NELL2: variants seen among roughly 807,000 people sequenced by gnomAD.
NELL2 encodes protein kinase C-binding protein NELL2.
A neutral mutation model predicts 109.6 loss-of-function variants in NELL2; 41 were observed. That is an observed-to-expected ratio of 0.37 (90% CI 0.29 to 0.49). NELL2 has a LOEUF of 0.49. NELL2 is among the 20% of genes least tolerant of loss of function. The probability of loss-of-function intolerance (pLI) is 0.98; values close to 1 mark genes in which losing one functional copy is unlikely to be tolerated. For synonymous variants in NELL2, 355 were observed against 344.7 expected, an observed-to-expected ratio of 1.03 and a Z score of -0.33; for missense variants, 900 against 1,008.3, an observed-to-expected ratio of 0.89 and a Z score of 1.45.
At chr12:44,857,524 T>A (rs1944717484) in intron 2 of NELL2, among the ~76,000 whole-genome samples, 1 of 152,094 alleles carries the variant, frequency 6.6e-6, no homozygotes, top group South Asian at 2.1e-4. Flanking sequence ...TTATCCTCCA[T>A]CACCAGCTCC....
rs142709420 is a variant in NELL2 at position 44,903,397 on chromosome 12, G to A, written c.38+10402C>T. Reference sequence around the variant, plus strand: ...AAAAAGTCATGAAACAACAGATGCTGGAGAGGATGTGGGGAAATAAGAATG... The same window carrying A: ...AAAAAGTCATGAAACAACAGATGCTAGAGAGGATGTGGGGAAATAAGAATG... On this transcript the variant is annotated intron_variant, in intron 1 of 20. Coordinates refer to the NELL2 transcript ENST00000333837. Among the ~76,000 whole-genome samples, 13 of 152,298 alleles carry A rather than the reference G, an allele frequency of 8.5e-5. No homozygotes were observed. The East Asian group carries it at 1.7e-3, about 20-fold the overall frequency.
intron 15 of NELL2, among the ~76,000 whole-genome samples, chr12:44,547,379 T>C (rs1273441731): frequency 1.3e-5 from 2 of 152,188 alleles, no homozygotes; most frequent in Non-Finnish European, 2.9e-5. Context: ...TTAAAATGCT[T>C]CGGAAAATTC....
At position 44,853,309 on chromosome 12, in the gene NELL2, T is replaced by G. The variant is rs371633172; in HGVS notation, c.184+21916A>C. ...TTTTAAAAGTCCAATTTCTGACCTT[T>G]GGATTTTAAGTTTAAGGAAATTGGT... On this transcript the variant is annotated intron_variant, in intron 2 of 19. Transcript: ENST00000429094. Among the ~76,000 whole-genome samples the G allele has an allele frequency of 2.6e-5, 4 of 152,188 alleles. No individual in the cohort carries two copies. The East Asian group carries it at 5.8e-4, about 22-fold the overall frequency.
At chr12:44,858,314 C>T (rs1944741321) in intron 2 of NELL2, among the ~76,000 whole-genome samples, 1 of 152,182 alleles carries the variant, frequency 6.6e-6, no homozygotes, top group Non-Finnish European at 1.5e-5. Context: ...TCATTCCTTC[C>T]CTTTGTCTGG....
At chr12:44,691,601 C>CA (rs1948902077) in intron 12 of NELL2, among the ~76,000 whole-genome samples, 1 of 152,158 alleles carries the variant, frequency 6.6e-6, no homozygotes. Flanking sequence ...TGTTGAAAGT[C>CA]AATACAGGCC....
rs1943882810 is a variant in NELL2 at position 44,831,385 on chromosome 12, C to CTG, written c.185-15251_185-15250dup. On this transcript the variant is annotated intron_variant, in intron 2 of 19. Coordinates refer to ENST00000429094, the MANE Select transcript of NELL2 (RefSeq NM_001145108.2). ...CTTTAATGAGTTCAACAAATATATA[C>CTG]TGAGTATATAGTAAATATTCAGTAT... Among the ~76,000 whole-genome samples the CTG allele has an allele frequency of 2.0e-5, 3 of 151,990 alleles. No individual in the cohort carries two copies. The South Asian group carries it at 6.2e-4, about 32-fold the overall frequency.
At chr12:44,514,232 T>G (rs1182894988) in intron 19 of NELL2, among the ~76,000 whole-genome samples, 1 of 151,902 alleles carries the variant, frequency 6.6e-6, no homozygotes, top group African/African-American at 2.4e-5. Flanking sequence ...AAAGAACTTG[T>G]TACTAGCACA....
Position 44,610,877 on chromosome 12 carries a change from C to A in NELL2, c.1538G>T (p.Gly513Val). The A allele has an allele frequency of 6.2e-7, 1 of 1,613,144 alleles. No individual in the cohort carries two copies. The highest frequency in any genetic ancestry group is 1.1e-5 in the South Asian group (1 of 91,060). ...VGGHNCVCKP[G>V]YTGNGTTCKA... ...GCATGTCGTTCCATTCCCTGTATAG[C>A]CCGGCTTGCAAACACAGTTGTGTCC... is the stretch of plus-strand genomic sequence containing the variant. The change falls in exon 14 of 20, where the codon GGC (glycine) becomes GTC (valine). Residue 513 changes from glycine to valine, a missense_variant. Physicochemically the swap from Gly to Val is moderately radical, Grantham distance 109. This residue lies in a region of NELL2 where 333 missense variants were observed against 432.3 expected (regional missense o/e 0.77). Transcript: ENST00000429094.
rs182781551 is a variant in NELL2, at chr12:44,775,242, T to C, written c.892-393A>G. On this transcript the variant is annotated intron_variant, in intron 8 of 19. Coordinates refer to ENST00000429094, the MANE Select transcript of NELL2 (RefSeq NM_001145108.2). Reference sequence around the variant, plus strand: ...ATGCACGCACGCACACACACATGCATGTGCGTGCGCACGCACACACACACA... The same window carrying C: ...ATGCACGCACGCACACACACATGCACGTGCGTGCGCACGCACACACACACA... 3.9e-3 allele frequency among the ~76,000 whole-genome samples: 572 copies of C among 148,528 alleles called. 9 individuals carry two copies. Among genetic ancestry groups the C allele is most frequent in the Non-Finnish European group, 3.2e-3 (214 of 67,810 alleles).
At chr12:44,855,393 G>T (rs1208088412) in intron 2 of NELL2, among the ~76,000 whole-genome samples, 1 of 152,172 alleles carries the variant, frequency 6.6e-6, no homozygotes, top group African/African-American at 2.4e-5. Flanking sequence ...GGGAATTATT[G>T]CTCTAGAATA....
chr12:44,764,178 T>C (rs1345873104), intron 9 of NELL2, among the ~76,000 whole-genome samples: 1 of 152,208 alleles, frequency 6.6e-6, no homozygotes, highest in Non-Finnish European at 1.5e-5. Flanking sequence ...CAGTTAATAA[T>C]CAAGGTAGGT....
rs757348174 is a variant in NELL2, at chr12:44,673,666, G to C, written c.1319-8057C>G. ...AAATTTATTACAGAGTTAAGGGATA[G>C]ACCCTGCCTTAAAAGGGCTTACAAT... On this transcript the variant is annotated intron_variant, in intron 12 of 19. Coordinates refer to ENST00000429094, the MANE Select transcript of NELL2 (RefSeq NM_001145108.2). 2.0e-5 allele frequency among the ~76,000 whole-genome samples: 3 copies of C among 152,308 alleles called. No individual in the cohort carries two copies. In the South Asian group the frequency reaches 6.2e-4, roughly 32 times the overall value.
rs189527076 is a variant in NELL2 at position 44,777,308 on chromosome 12, T to G, written c.613A>C (p.Met205Leu). Reference protein sequence around the residue: ...NNAHGYFKGIMQDVQLLVMPQ... With the variant: ...NNAHGYFKGILQDVQLLVMPQ... ...ATGACAAGTAATTGGACATCTTGCA[T>G]TATACCCTGTGTGTGAAAAATAGAA... Residue 205 changes from methionine (M) to leucine (L), a missense_variant, in exon 6 of 20, where the codon ATG becomes CTG. Around this residue, in one of 4 missense-constraint regions of NELL2, gnomAD observed 75 missense variants for 118.9 expected, o/e 0.63. Coordinates refer to ENST00000429094, the MANE Select transcript of NELL2 (RefSeq NM_001145108.2). 19 of 1,612,944 alleles carry G rather than the reference T, an allele frequency of 1.2e-5. No homozygotes were observed. In the African/African-American group the frequency reaches 2.1e-4, roughly 18 times the overall value.
At position 44,546,354 on chromosome 12, in the gene NELL2, T is replaced by C. The variant is rs150046407; in HGVS notation, c.1664-13633A>G. ...TGGCTTTGAGCGAGTGTCATATGCCTGACAGACTGTCTACTTTAAGTCCAT... is the reference window on the plus strand; with the variant it reads ...TGGCTTTGAGCGAGTGTCATATGCCCGACAGACTGTCTACTTTAAGTCCAT... On this transcript the variant is annotated intron_variant, in intron 15 of 19. Transcript: ENST00000429094. 7.6e-4 allele frequency among the ~76,000 whole-genome samples: 115 copies of C among 152,292 alleles called. 2 individuals carry two copies. Among genetic ancestry groups the C allele is most frequent in the African/African-American group, 2.5e-3 (106 of 41,590 alleles).
chr12:44,680,408 T>C (rs1449060900), intron 12 of NELL2, among the ~76,000 whole-genome samples: 1 of 152,190 alleles, frequency 6.6e-6, no homozygotes, highest in Non-Finnish European at 1.5e-5. Flanking sequence ...CTTGAAGATA[T>C]GAACAATTTT....
At chr12:44,921,437 A>C (rs1269462607) in intron 1 of NELL2, among the ~76,000 whole-genome samples, 3 of 152,204 alleles carry the variant, frequency 2.0e-5, no homozygotes, top group Non-Finnish European at 4.4e-5. Context: ...CGGTATAGCA[A>C]GATGGGTCAG....
At chr12:44,817,446 T>A (rs1943389795) in intron 2 of NELL2, among the ~76,000 whole-genome samples, 1 of 152,158 alleles carries the variant, frequency 6.6e-6, no homozygotes, top group African/African-American at 2.4e-5. Flanking sequence ...CCTAATGTGA[T>A]ACAATGAAAG....
At chr12:44,584,982 T>C (rs548681259) in intron 15 of NELL2, among the ~76,000 whole-genome samples, 26 of 152,360 alleles carry the variant, frequency 1.7e-4, no homozygotes, top group African/African-American at 6.3e-4. Context: ...TCCAGCTTGA[T>C]AGGCCTTTGT....
intron 1 of NELL2, among the ~76,000 whole-genome samples, chr12:44,882,874 T>A (rs1370427732): frequency 7.0e-6 from 1 of 142,864 alleles, no homozygotes; most frequent in Non-Finnish European, 1.5e-5. Flanking sequence ...AGAGTCTCCT[T>A]CTGTCACCCA....
Sources: allele counts gnomAD v4.1 joint callset (sites outside exome capture counted in the v4.1 genomes callset), GRCh38; gene constraint gnomAD v4.1.1; regional missense constraint gnomAD v4.1.1; transcripts MANE v1.5; gene names NCBI Gene and HGNC (gene_info 2026-07-23, HGNC 2026-07-21).